SNAP91: variants seen among roughly 807,000 people sequenced by gnomAD.
SNAP91 encodes the protein clathrin coat assembly protein AP180.
A neutral mutation model predicts 100.3 loss-of-function variants in SNAP91; 27 were observed. The ratio of observed to expected loss-of-function variants is 0.27; its 90% CI spans 0.20 to 0.37. SNAP91 has a LOEUF of 0.37. Among genes scored for constraint, SNAP91 ranks in the 10% least tolerant of loss-of-function variants. SNAP91 has a pLI of 1.00. For synonymous variants in SNAP91, 404 were observed against 398.6 expected (o/e 1.01, Z -0.16); for missense variants, 986 against 1,123.7 (o/e 0.88, Z 1.75).
chr6:83,564,565 A>G (rs748609644), intron 26 of SNAP91, among the ~76,000 whole-genome samples: 6 of 151,950 alleles, frequency 3.9e-5, no homozygotes, highest in African/African-American at 1.4e-4. Context: ...GAGTCTCATT[A>G]TGTTGCCCAG....
Position 83,602,563 on chromosome 6 carries a change from A to G in SNAP91, c.1142-964T>C, listed in dbSNP as rs567857020. ...TTTGCTTAGTCAAATAAACAAACAC[A>G]TATCTGTTACAATTTAGCATCACCT... On this transcript the variant is annotated intron_variant, in intron 14 of 29. Coordinates refer to ENST00000369694, the MANE Select transcript of SNAP91 (RefSeq NM_001242792.2). 1.3e-4 allele frequency among the ~76,000 whole-genome samples: 20 copies of G among 152,322 alleles called. No homozygotes were observed. In the South Asian group the frequency reaches 3.9e-3, roughly 30 times the overall value.
chr6:83,646,940 G>T (rs1423756561), intron 7 of SNAP91, among the ~76,000 whole-genome samples: 1 of 152,106 alleles, frequency 6.6e-6, no homozygotes, highest in East Asian at 1.9e-4. Context: ...TCATTTTAGG[G>T]AGTGCTGATG....
intron 8 of SNAP91, among the ~76,000 whole-genome samples, chr6:83,629,430 A>C (rs2128462552): frequency 6.6e-6 from 1 of 152,176 alleles, no homozygotes; most frequent in African/African-American, 2.4e-5. Context: ...ATTGCATTGA[A>C]TGTGTAGATT....
At chr6:83,673,399 T>C (rs1050294038) in intron 2 of SNAP91, among the ~76,000 whole-genome samples, 5 of 152,270 alleles carry the variant, frequency 3.3e-5, no homozygotes, top group South Asian at 4.1e-4. Flanking sequence ...CAGTGTGCAG[T>C]ACAGAAGAGA....
chr6:83,654,905 T>C (rs2098351008), intron 7 of SNAP91, among the ~76,000 whole-genome samples: 1 of 152,216 alleles, frequency 6.6e-6, no homozygotes. Flanking sequence ...GATTTATCTC[T>C]ACCTCAATAA....
chr6:83,616,995 T>G lies in SNAP91; in HGVS notation c.852A>C (p.Thr284=). The G allele has an allele frequency of 6.5e-7, 1 of 1,548,092 alleles. No homozygotes were observed. The change falls in exon 10 of 30, where the codon ACA becomes ACC. Residue 284 remains threonine, a synonymous_variant. Transcript: ENST00000369694. ...TGTTTCCAGGTTTCTTTCCTTCTAATGTATTTAGATGCTGTTCAAGCGTCT... is the reference window on the plus strand; with the variant it reads ...TGTTTCCAGGTTTCTTTCCTTCTAAGGTATTTAGATGCTGTTCAAGCGTCT... ...LMETLEQHLN[T]LEGKKPGNNE...
intron 2 of SNAP91, among the ~76,000 whole-genome samples, chr6:83,698,467 G>A (rs530338884): frequency 2.0e-5 from 3 of 152,146 alleles, no homozygotes; most frequent in South Asian, 2.1e-4. Context: ...CAGGGGACAA[G>A]GCCTTTGAGA....
intron 3 of SNAP91, among the ~76,000 whole-genome samples, chr6:83,663,917 G>A (rs1340862280): frequency 6.6e-6 from 1 of 152,080 alleles, no homozygotes; most frequent in Non-Finnish European, 1.5e-5. Flanking sequence ...TAATGCAGCT[G>A]ATGACATGAA....
intron 8 of SNAP91, among the ~76,000 whole-genome samples, chr6:83,630,915 C>T (rs1027379572): frequency 6.6e-6 from 1 of 151,820 alleles, no homozygotes; most frequent in Non-Finnish European, 1.5e-5. Context: ...TCTCTTGATC[C>T]TTGAGGTGTG....
chr6:83,665,444 T>G lies in SNAP91; in HGVS notation c.268A>C (p.Asn90His). 1 of 1,610,712 alleles carries G rather than the reference T, an allele frequency of 6.2e-7. No individual in the cohort carries two copies. The highest frequency in any genetic ancestry group is 8.5e-7 in the Non-Finnish European group (1 of 1,178,570). The change falls in exon 3 of 30, where the codon AAT becomes CAT. Residue 90 changes from asparagine to histidine, a missense_variant. Asn to His is a moderately conservative substitution (Grantham distance 68). Around this residue, in one of 4 missense-constraint regions of SNAP91, gnomAD observed 330 missense variants for 447.5 expected, o/e 0.74. Coordinates refer to ENST00000369694, the MANE Select transcript of SNAP91 (RefSeq NM_001242792.2). ...GAAAAGTTTACTTAGTTTACCTCATTTCCATGCACCATGAGATGATGTGTT... is the reference window on the plus strand; with the variant it reads ...GAAAAGTTTACTTAGTTTACCTCATGTCCATGCACCATGAGATGATGTGTT... Reference protein sequence around the residue: ...VTTHHLMVHGNERFIQYLASR... With the variant: ...VTTHHLMVHGHERFIQYLASR...
intron 26 of SNAP91, among the ~76,000 whole-genome samples, chr6:83,567,854 C>CCA (rs1799123833): frequency 1.7e-5 from 1 of 57,888 alleles, no homozygotes; most frequent in Admixed American, 1.9e-4. Flanking sequence ...ACAACAGGTG[C>CCA]TAGAGGATGT....
chr6:83,620,756 G>A (rs1261704974), intron 9 of SNAP91, among the ~76,000 whole-genome samples: 1 of 151,704 alleles, frequency 6.6e-6, no homozygotes, highest in Non-Finnish European at 1.5e-5. Context: ...CTGTCGCCCA[G>A]GCTGGAGTAC....
At chr6:83,600,209 C>T (rs556650437) in intron 16 of SNAP91, among the ~76,000 whole-genome samples, 2 of 152,150 alleles carry the variant, frequency 1.3e-5, no homozygotes, top group South Asian at 4.1e-4. Flanking sequence ...GCAGTGGCAA[C>T]AAAGCTGTGT....
chr6:83,647,078 G>T (rs1226104329), intron 7 of SNAP91, among the ~76,000 whole-genome samples: 3 of 145,942 alleles, frequency 2.1e-5, no homozygotes, highest in Non-Finnish European at 4.5e-5. Flanking sequence ...AGTTCCAGGA[G>T]TTTTTTTTTT....
chr6:83,593,879 T>G lies in SNAP91; in HGVS notation c.1433-138A>C, dbSNP rs1247745596. 4 of 1,331,900 alleles carry G rather than the reference T, an allele frequency of 3.0e-6. No homozygotes were observed. In the East Asian group the frequency reaches 7.2e-5, roughly 24 times the overall value. 82.5% of individuals were successfully genotyped at this position (1,331,900 alleles called of 1,614,324 possible). A position where few individuals can be genotyped will look rare whatever the true frequency, so the allele number is the denominator to read the frequency against. On this transcript the variant is annotated intron_variant, in intron 17 of 29. Transcript: ENST00000369694. ...TGTGAGGCTCCTTGGATTTAACTAC[T>G]ATCCTACTGGCAGGGGTTAGTGATT... is the stretch of plus-strand genomic sequence containing the variant.
intron 2 of SNAP91, chr6:83,690,274 AT>A: frequency 8.5e-7 from 1 of 1,178,090 alleles, no homozygotes; most frequent in Non-Finnish European, 1.1e-6. Flanking sequence ...TAATACTGTG[AT>A]CCAAAACAAA....
At chr6:83,632,918 T>TCACC (rs2097268132) in intron 8 of SNAP91, among the ~76,000 whole-genome samples, 1 of 152,222 alleles carries the variant, frequency 6.6e-6, no homozygotes, top group African/African-American at 2.4e-5. Context: ...GGTCCATTGC[T>TCACC]GGTGAGCTAG....
intron 2 of SNAP91, among the ~76,000 whole-genome samples, chr6:83,707,536 CGT>C (rs70987765): frequency 0.24 from 36,119 of 148,688 alleles, 4,443 homozygotes; most frequent in East Asian, 0.41. Flanking sequence ...TATACATATG[CGT>C]GTGTGTGTGT....
intron 24 of SNAP91, among the ~76,000 whole-genome samples, chr6:83,579,997 T>C (rs1040708626): frequency 6.6e-6 from 1 of 152,220 alleles, no homozygotes; most frequent in African/African-American, 2.4e-5. Flanking sequence ...TTTTGCTCAC[T>C]GGTTTATCTC....
Sources: gnomAD v4.1 joint callset for allele counts (sites outside exome capture counted in the v4.1 genomes callset) on GRCh38, gnomAD v4.1.1 for gene constraint, gnomAD v4.1.1 regional missense constraint, MANE v1.5 for transcripts, NCBI Gene and HGNC (gene_info 2026-07-23, HGNC 2026-07-21) for gene names.